The following DDX10 variants were observed in gnomAD, a reference collection of about 807,000 sequenced individuals.
DDX10 encodes the protein DEAD-box helicase 10, also known as probable ATP-dependent RNA helicase DDX10.
In DDX10, 74 loss-of-function variants were observed where a neutral mutation model predicts 104.3. The ratio of observed to expected loss-of-function variants is 0.71; its 90% CI spans 0.59 to 0.86. The LOEUF is 0.86. Among genes scored for constraint, DDX10 ranks in the 40% least tolerant of loss-of-function variants. DDX10 has a pLI of 0.00. For synonymous variants in DDX10, 351 were observed against 353.4 expected (o/e 0.99, Z 0.08); for missense variants, 952 against 1,040.0 (o/e 0.92, Z 1.16).
chr11:108,737,164 T>G (rs538254109), intron 13 of DDX10, among the ~76,000 whole-genome samples: 2 of 152,342 alleles, frequency 1.3e-5, no homozygotes, highest in Admixed American at 1.3e-4. Context: ...AATAATAAAA[T>G]GTAGTTCTTC....
At chr11:108,739,648 G>C (rs1316399536) in intron 13 of DDX10, among the ~76,000 whole-genome samples, 1 of 152,122 alleles carries the variant, frequency 6.6e-6, no homozygotes, top group Non-Finnish European at 1.5e-5. Flanking sequence ...TGCTTATTCA[G>C]ATTCTTTACC....
At chr11:108,878,202 G>A (rs1863178019) in intron 16 of DDX10, among the ~76,000 whole-genome samples, 1 of 151,872 alleles carries the variant, frequency 6.6e-6, no homozygotes, top group Admixed American at 6.5e-5. Context: ...ATATGGAAAG[G>A]TTTTTAAAAA....
At chr11:108,690,588 C>G (rs1267901012) in intron 7 of DDX10, 3 of 155,250 alleles carry the variant, frequency 1.9e-5, no homozygotes, top group African/African-American at 7.2e-5. Flanking sequence ...CTCCTTGGAG[C>G]ACCTGATACC....
Position 108,723,019 on chromosome 11 carries a change from C to T in DDX10, c.1522C>T (p.Pro508Ser), listed in dbSNP as rs1258911569. 1 of 1,609,316 alleles carries T rather than the reference C, an allele frequency of 6.2e-7. No homozygotes were observed. The highest frequency in any genetic ancestry group is 1.3e-5 in the African/African-American group (1 of 74,456). Reference sequence around the variant, plus strand: ...AAGGTCTCTTGGTCTTGCTGTGGCACCACGCGTAAGATTTCTTCAGAAAAT... The same window carrying T: ...AAGGTCTCTTGGTCTTGCTGTGGCATCACGCGTAAGATTTCTTCAGAAAAT... ...YALSLGLAVA[P>S]RVRFLQKMQK... Residue 508 changes from proline (P) to serine (S), a missense_variant, in exon 13 of 18, where the codon CCA (proline) becomes TCA (serine). This residue lies in a region of DDX10 where 533 missense variants were observed against 534.1 expected (regional missense o/e 1.00). Transcript: ENST00000322536.
At chr11:108,767,019 C>T (rs1006955641) in intron 13 of DDX10, among the ~76,000 whole-genome samples, 1 of 152,184 alleles carries the variant, frequency 6.6e-6, no homozygotes. Flanking sequence ...GGGCAAGGGA[C>T]TCTTCCACTT....
At chr11:108,878,859 G>C (rs1284110475) in intron 16 of DDX10, among the ~76,000 whole-genome samples, 2 of 151,736 alleles carry the variant, frequency 1.3e-5, no homozygotes, top group Admixed American at 6.6e-5. Flanking sequence ...CTGCTCAACT[G>C]TAATTTAGTG....
intron 16 of DDX10, among the ~76,000 whole-genome samples, chr11:108,905,624 G>A (rs184263606): frequency 8.5e-4 from 129 of 152,130 alleles, no homozygotes; most frequent in African/African-American, 3.1e-3. Flanking sequence ...AGCGATGTGT[G>A]CCTTTTCTGG....
intron 13 of DDX10, among the ~76,000 whole-genome samples, chr11:108,749,002 G>C (rs190277232): frequency 6.6e-6 from 1 of 152,098 alleles, no homozygotes; most frequent in Admixed American, 6.6e-5. Flanking sequence ...AGAATACAGA[G>C]TGGGTTGGAT....
intron 16 of DDX10, among the ~76,000 whole-genome samples, chr11:108,911,736 T>C (rs1343465320): frequency 6.6e-6 from 1 of 151,996 alleles, no homozygotes; most frequent in East Asian, 1.9e-4. Flanking sequence ...GCCTGGCTAA[T>C]TTTTTTGTAG....
chr11:108,751,077 G>A (rs910191659), intron 13 of DDX10, among the ~76,000 whole-genome samples: 3 of 150,532 alleles, frequency 2.0e-5, no homozygotes, highest in African/African-American at 7.3e-5. Flanking sequence ...CTCAACTCCT[G>A]GCCCCTAATT....
rs543241793 is a variant in DDX10 at position 108,848,530 on chromosome 11, G to A, written c.2248-3623G>A. Among the ~76,000 whole-genome samples the A allele has an allele frequency of 2.0e-5, 3 of 152,268 alleles. No individual in the cohort carries two copies. The South Asian group carries it at 6.2e-4, about 32-fold the overall frequency. On this transcript the variant is annotated intron_variant, in intron 15 of 17. Coordinates refer to ENST00000322536, the MANE Select transcript of DDX10 (RefSeq NM_004398.4). ...AACCAGGTTTATTATTAAAATGGAAGCCAACCTGTTGCTATAGAACATTTG... is the reference window on the plus strand; with the variant it reads ...AACCAGGTTTATTATTAAAATGGAAACCAACCTGTTGCTATAGAACATTTG...
At chr11:108,802,765 CAT>C (rs1862039962) in intron 13 of DDX10, among the ~76,000 whole-genome samples, 1 of 152,150 alleles carries the variant, frequency 6.6e-6, no homozygotes, top group African/African-American at 2.4e-5. Context: ...CTCCTATTAA[CAT>C]AGTGAATTTT....
intron 16 of DDX10, among the ~76,000 whole-genome samples, chr11:108,883,073 C>G (rs1863248671): frequency 1.3e-5 from 2 of 152,148 alleles, no homozygotes; most frequent in African/African-American, 2.4e-5. Flanking sequence ...TTTCCCCCCT[C>G]TCTTGACATG....
At chr11:108,791,793 G>A (rs921797316) in intron 13 of DDX10, among the ~76,000 whole-genome samples, 2 of 152,166 alleles carry the variant, frequency 1.3e-5, no homozygotes, top group African/African-American at 2.4e-5. Flanking sequence ...CATTTCTTTT[G>A]AGTAAATGCT....
At chr11:108,693,637 A>G (rs763224346) in intron 9 of DDX10, 37 bp downstream of exon 9, 8 of 1,452,694 alleles carry the variant, frequency 5.5e-6, no homozygotes, top group South Asian at 3.4e-5. Context: ...TTTTGCTACT[A>G]TCTAAATAAC....
chr11:108,714,573 T>C (rs747545643), intron 10 of DDX10, among the ~76,000 whole-genome samples: 3 of 151,558 alleles, frequency 2.0e-5, no homozygotes, highest in Non-Finnish European at 2.9e-5. Flanking sequence ...TTCTGAAGAC[T>C]ATTAGTGGAG....
intron 13 of DDX10, among the ~76,000 whole-genome samples, chr11:108,745,225 C>T (rs529039565): frequency 2.5e-4 from 33 of 133,802 alleles, no homozygotes; most frequent in Admixed American, 2.4e-3. Flanking sequence ...CCTTTCCTTT[C>T]CTTCCCTTTC....
intron 13 of DDX10, among the ~76,000 whole-genome samples, chr11:108,830,759 A>T (rs897945460): frequency 6.6e-6 from 1 of 152,308 alleles, no homozygotes. Context: ...TTTCATCATA[A>T]AGGGGTGATG....
At chr11:108,886,596 T>A (rs2726900) in intron 16 of DDX10, among the ~76,000 whole-genome samples, 151,028 of 152,322 alleles carry the variant, frequency 0.99, 74,894 homozygotes, top group Middle Eastern at 1. Flanking sequence ...GCTGCCTGTA[T>A]CATTGCTTTA....
Sources: allele counts gnomAD v4.1 joint callset (sites outside exome capture counted in the v4.1 genomes callset), GRCh38; gene constraint gnomAD v4.1.1; regional missense constraint gnomAD v4.1.1; transcripts MANE v1.5; gene names NCBI Gene and HGNC (gene_info 2026-07-23, HGNC 2026-07-21).